The following DTWD2 variants were observed in gnomAD, a reference collection of about 807,000 sequenced individuals.
DTWD2 encodes the protein tRNA-uridine aminocarboxypropyltransferase 2.
In DTWD2, 39 loss-of-function variants were observed where a neutral mutation model predicts 31.8. The ratio of observed to expected loss-of-function variants is 1.22; its 90% CI spans 0.95 to 1.60. DTWD2 has a LOEUF of 1.60. DTWD2 is among the 40% of genes most tolerant of loss of function. The probability of loss-of-function intolerance (pLI) is 0.00; values close to 1 mark genes in which losing one functional copy is unlikely to be tolerated. For synonymous variants in DTWD2, 180 were observed against 142.8 expected, an observed-to-expected ratio of 1.26 and a Z score of -1.86; for missense variants, 515 against 381.5, an observed-to-expected ratio of 1.35 and a Z score of -2.92.
chr5:118,868,919 C>T (rs894164735), intron 4 of DTWD2, among the ~76,000 whole-genome samples: 5 of 148,070 alleles, frequency 3.4e-5, no homozygotes, highest in African/African-American at 1.2e-4. Context: ...TCTTGGAGAA[C>T]ATTACGCTAA....
chr5:118,984,332 G>T (rs1245713511), intron 1 of DTWD2, among the ~76,000 whole-genome samples: 1 of 151,618 alleles, frequency 6.6e-6, no homozygotes, highest in African/African-American at 2.4e-5. Flanking sequence ...GTGGTGGCAG[G>T]CACCTGTAGT....
chr5:118,977,198 G>T (rs931391683), intron 1 of DTWD2, among the ~76,000 whole-genome samples: 1 of 152,070 alleles, frequency 6.6e-6, no homozygotes, highest in Non-Finnish European at 1.5e-5. Context: ...AAAATAATAA[G>T]AGCTATTTAT....
intron 4 of DTWD2, among the ~76,000 whole-genome samples, chr5:118,867,409 C>A (rs539243193): frequency 6.6e-6 from 1 of 152,198 alleles, no homozygotes; most frequent in African/African-American, 2.4e-5. Context: ...CATCTGTTCT[C>A]TAATTAATAA....
At chr5:118,888,537 G>C (rs373701549) in intron 4 of DTWD2, among the ~76,000 whole-genome samples, 2 of 152,090 alleles carry the variant, frequency 1.3e-5, no homozygotes, top group African/African-American at 4.8e-5. Context: ...CTAGTTTGGG[G>C]CTATTACAAT....
intron 1 of DTWD2, among the ~76,000 whole-genome samples, chr5:118,966,557 T>C (rs1360701025): frequency 6.6e-6 from 1 of 152,226 alleles, no homozygotes; most frequent in Admixed American, 6.5e-5. Flanking sequence ...AATTAGTTGA[T>C]GATATGCTAT....
At chr5:118,863,510 A>C (rs1387505192) in intron 4 of DTWD2, among the ~76,000 whole-genome samples, 5 of 152,210 alleles carry the variant, frequency 3.3e-5, no homozygotes, top group Non-Finnish European at 7.3e-5. Context: ...CTACTGCATA[A>C]AGAAGTCCTT....
chr5:118,934,026 C>A (rs1035058053), intron 3 of DTWD2, among the ~76,000 whole-genome samples: 1 of 151,294 alleles, frequency 6.6e-6, no homozygotes, highest in Non-Finnish European at 1.5e-5. Flanking sequence ...AAAAAATTCA[C>A]ATTTGTAATT....
At chr5:118,849,995 G>A (rs1360429375) in intron 4 of DTWD2, among the ~76,000 whole-genome samples, 1 of 151,200 alleles carries the variant, frequency 6.6e-6, no homozygotes, top group African/African-American at 2.4e-5. Context: ...TCCTGCACAT[G>A]TATCCCAGAA....
At chr5:118,884,276 C>A (rs917132304) in intron 4 of DTWD2, among the ~76,000 whole-genome samples, 2 of 152,286 alleles carry the variant, frequency 1.3e-5, no homozygotes, top group East Asian at 3.9e-4. Context: ...CTGAACAATA[C>A]TAAATTCTTC....
chr5:118,971,528 T>C (rs1396972920), intron 1 of DTWD2, among the ~76,000 whole-genome samples: 1 of 152,080 alleles, frequency 6.6e-6, no homozygotes, highest in Non-Finnish European at 1.5e-5. Context: ...CACACAATAA[T>C]AGTGAGAGAC....
intron 4 of DTWD2, among the ~76,000 whole-genome samples, chr5:118,858,485 T>TAA (rs1752188589): frequency 6.6e-6 from 1 of 152,198 alleles, no homozygotes; most frequent in Admixed American, 6.5e-5. Flanking sequence ...GCATGTGAGT[T>TAA]AGAGGTTCTT....
At chr5:118,884,898 A>C (rs1752822990) in intron 4 of DTWD2, among the ~76,000 whole-genome samples, 1 of 148,434 alleles carries the variant, frequency 6.7e-6, no homozygotes, top group African/African-American at 2.5e-5. Context: ...TGGGAGGCTG[A>C]GGCAGGAGAA....
At chr5:118,872,706 T>C (rs913165628) in intron 4 of DTWD2, among the ~76,000 whole-genome samples, 3 of 152,110 alleles carry the variant, frequency 2.0e-5, no homozygotes, top group African/African-American at 7.2e-5. Flanking sequence ...AATGAAAAAG[T>C]TTGAAACATT....
At chr5:118,970,525 G>A (rs1754960728) in intron 1 of DTWD2, among the ~76,000 whole-genome samples, 1 of 152,198 alleles carries the variant, frequency 6.6e-6, no homozygotes, top group Non-Finnish European at 1.5e-5. Context: ...TGGGGTACCT[G>A]AAAGAGACAG....
intron 4 of DTWD2, among the ~76,000 whole-genome samples, chr5:118,849,425 G>C (rs930302825): frequency 2.0e-5 from 3 of 152,182 alleles, no homozygotes; most frequent in African/African-American, 7.2e-5. Context: ...TACACTGTTG[G>C]TGGGACTGTA....
chr5:118,948,084 T>C (rs1000156083), intron 1 of DTWD2, among the ~76,000 whole-genome samples: 5 of 152,162 alleles, frequency 3.3e-5, no homozygotes, highest in African/African-American at 1.2e-4. Flanking sequence ...TAAAATGTTA[T>C]TGGGGCAACA....
chr5:118,916,964 A>G (rs1753593396), intron 4 of DTWD2, among the ~76,000 whole-genome samples: 1 of 152,224 alleles, frequency 6.6e-6, no homozygotes, highest in Non-Finnish European at 1.5e-5. Flanking sequence ...ATACTCATCA[A>G]TAAAACTGAA....
At chr5:118,982,727 C>T (rs1245896403) in intron 1 of DTWD2, among the ~76,000 whole-genome samples, 6 of 127,274 alleles carry the variant, frequency 4.7e-5, no homozygotes, top group South Asian at 2.4e-4. Flanking sequence ...TTCGCTCTGT[C>T]GCCGAGGCTG....
rs998267751 is a variant in DTWD2 at position 118,920,557 on chromosome 5, CT to C, written c.597+7979del. Among the ~76,000 whole-genome samples, 7 of 152,018 alleles carry C rather than the reference CT, an allele frequency of 4.6e-5. 1 individual carries two copies. The highest frequency in any genetic ancestry group is 9.6e-5 in the African/African-American group (4 of 41,470). On this transcript the variant is annotated intron_variant, in intron 4 of 5. Coordinates refer to ENST00000510708, the MANE Select transcript of DTWD2 (RefSeq NM_173666.4). ...TAAGAAAATGCACATCTTCCTAATC[CT>C]TTTTTTATTAGGCATTTTTAAATTA... is the stretch of plus-strand genomic sequence containing the variant.
Sources: allele counts gnomAD v4.1 joint callset (sites outside exome capture counted in the v4.1 genomes callset), GRCh38; gene constraint gnomAD v4.1.1; transcripts MANE v1.5; gene names NCBI Gene and HGNC (gene_info 2026-07-23, HGNC 2026-07-21).